LY86: variants seen among roughly 807,000 people sequenced by gnomAD.
LY86 encodes the protein lymphocyte antigen 86, also known as MD-1, RP105-associated.
A neutral mutation model predicts 17.3 loss-of-function variants in LY86; 20 were observed. The observed-to-expected ratio is 1.15, with a 90% confidence interval of 0.81 to 1.68. The LOEUF (loss-of-function observed/expected upper bound fraction) is 1.68, where lower values mean the gene tolerates loss of function less well. Ranked by LOEUF, LY86 falls within the 40% of genes most tolerant of loss-of-function variation. The pLI is 0.00. For missense variants in LY86, 200 were observed against 191.9 expected (o/e 1.04, Z -0.25); for synonymous variants, 74 against 70.6 (o/e 1.05, Z -0.24).
chr6:6,637,928 G>C (rs1034319649), intron 3 of LY86, among the ~76,000 whole-genome samples: 2 of 152,146 alleles, frequency 1.3e-5, no homozygotes, highest in Non-Finnish European at 1.5e-5. Context: ...CAAAATTTAG[G>C]AACTGGTTGG....
intron 1 of LY86, among the ~76,000 whole-genome samples, chr6:6,603,981 T>C (rs866472247): frequency 2.0e-5 from 3 of 152,180 alleles, no homozygotes; most frequent in South Asian, 4.1e-4. Flanking sequence ...CATGCAAATA[T>C]GTCATCTAAG....
intron 1 of LY86, among the ~76,000 whole-genome samples, chr6:6,616,688 G>A (rs1561785473): frequency 6.6e-6 from 1 of 152,166 alleles, no homozygotes; most frequent in Non-Finnish European, 1.5e-5. Flanking sequence ...CAGATGCCAA[G>A]GACAACAAAC....
chr6:6,605,897 C>T (rs182292111), intron 1 of LY86, among the ~76,000 whole-genome samples: 48 of 152,128 alleles, frequency 3.2e-4, no homozygotes, highest in Non-Finnish European at 3.2e-4. Flanking sequence ...GGTTCTTAGT[C>T]TCGCTGGCTT....
At chr6:6,599,868 T>G (rs1156382968) in intron 1 of LY86, among the ~76,000 whole-genome samples, 2 of 149,692 alleles carry the variant, frequency 1.3e-5, no homozygotes, top group African/African-American at 2.5e-5. Context: ...GCAAACTGCT[T>G]CTTATTCAAG....
At chr6:6,603,973 T>C (rs888607926) in intron 1 of LY86, among the ~76,000 whole-genome samples, 1 of 152,226 alleles carries the variant, frequency 6.6e-6, no homozygotes, top group Non-Finnish European at 1.5e-5. Context: ...AAGTCTTCCA[T>C]GCAAATATGT....
At chr6:6,595,809 C>G (rs996839309) in intron 1 of LY86, among the ~76,000 whole-genome samples, 2 of 152,164 alleles carry the variant, frequency 1.3e-5, no homozygotes, top group African/African-American at 4.8e-5. Flanking sequence ...CCTGAGGAAG[C>G]CCTATTTCCC....
intron 1 of LY86, among the ~76,000 whole-genome samples, chr6:6,618,855 G>A: frequency 6.6e-6 from 1 of 152,096 alleles, no homozygotes. Context: ...AAAAAGAAGA[G>A]ATCAGGACAT....
chr6:6,613,661 G>C (rs1416111799), intron 1 of LY86, among the ~76,000 whole-genome samples: 1 of 152,246 alleles, frequency 6.6e-6, no homozygotes, highest in Non-Finnish European at 1.5e-5. Flanking sequence ...GAGGGAGCCG[G>C]CTCCGGCCTT....
chr6:6,621,355 C>T (rs892016263), intron 1 of LY86: 5 of 152,216 alleles, frequency 3.3e-5, no homozygotes, highest in South Asian at 4.1e-4. Flanking sequence ...AAAGTCTCTC[C>T]GCTCTCAGCC....
chr6:6,596,953 G>A (rs6928063), intron 1 of LY86, among the ~76,000 whole-genome samples: 2,120 of 152,210 alleles, frequency 0.014, 35 homozygotes, highest in African/African-American at 0.032. Context: ...GGCAGGAAAC[G>A]TTTTCCCAAA....
At chr6:6,590,969 G>A (rs756669713) in intron 1 of LY86, among the ~76,000 whole-genome samples, 5 of 152,158 alleles carry the variant, frequency 3.3e-5, no homozygotes, top group Admixed American at 6.5e-5. Context: ...GAGAATGAAC[G>A]ACTGGATGCT....
At position 6,615,578 on chromosome 6, in the gene LY86, C is replaced by T. The variant is rs190594845; in HGVS notation, c.137-9348C>T. 9.3e-4 allele frequency among the ~76,000 whole-genome samples: 141 copies of T among 152,114 alleles called. 2 individuals are homozygous for T. Among genetic ancestry groups the T allele is most frequent in the African/African-American group, 3.3e-3 (137 of 41,506 alleles). ...CTCTACTAAAAATACAAAAATTAGC[C>T]CATGGTGGTGGCACACACCTGTAAT... On this transcript the variant is annotated intron_variant, in intron 1 of 4. Coordinates refer to ENST00000230568, the MANE Select transcript of LY86 (RefSeq NM_004271.4).
At chr6:6,638,009 G>A (rs1761984989) in intron 3 of LY86, among the ~76,000 whole-genome samples, 1 of 152,228 alleles carries the variant, frequency 6.6e-6, no homozygotes, top group South Asian at 2.1e-4. Flanking sequence ...AGAGGGGGAA[G>A]CTGGACAGCA....
At chr6:6,605,888 G>A (rs1011324488) in intron 1 of LY86, among the ~76,000 whole-genome samples, 3 of 148,352 alleles carry the variant, frequency 2.0e-5, no homozygotes. Flanking sequence ...CTCGCGGTGG[G>A]TTCTTAGTCT....
chr6:6,626,030 G>A (rs6922002), intron 2 of LY86, among the ~76,000 whole-genome samples: 26,474 of 152,126 alleles, frequency 0.17, 2,973 homozygotes, highest in African/African-American at 0.32. Flanking sequence ...ATAGCATCAG[G>A]GTGGGGAGCT....
chr6:6,615,152 G>A (rs1411103954), intron 1 of LY86, among the ~76,000 whole-genome samples: 2 of 152,108 alleles, frequency 1.3e-5, no homozygotes, highest in East Asian at 1.9e-4. Flanking sequence ...TTTTAACATT[G>A]GGTTTCAAAC....
At chr6:6,593,185 G>A (rs566656496) in intron 1 of LY86, among the ~76,000 whole-genome samples, 2 of 152,384 alleles carry the variant, frequency 1.3e-5, no homozygotes, top group Non-Finnish European at 2.9e-5. Context: ...AAACTCTGGG[G>A]GAGAATCCCT....
chr6:6,614,244 AGT>A (rs1761490391), intron 1 of LY86, among the ~76,000 whole-genome samples: 1 of 152,194 alleles, frequency 6.6e-6, no homozygotes, highest in African/African-American at 2.4e-5. Context: ...AATTGCTGAG[AGT>A]GTGAACCTTG....
At chr6:6,615,938 A>G (rs1233717595) in intron 1 of LY86, among the ~76,000 whole-genome samples, 1 of 152,208 alleles carries the variant, frequency 6.6e-6, no homozygotes, top group African/African-American at 2.4e-5. Context: ...ATTAAAAAGA[A>G]AAATGTTAAA....
Sources: gnomAD v4.1 joint callset for allele counts (sites outside exome capture counted in the v4.1 genomes callset) on GRCh38, gnomAD v4.1.1 for gene constraint, MANE v1.5 for transcripts, NCBI Gene and HGNC (gene_info 2026-07-23, HGNC 2026-07-21) for gene names.